CHODL: variants seen among roughly 807,000 people sequenced by gnomAD.
CHODL encodes transmembrane protein MT75.
A neutral mutation model predicts 34.5 loss-of-function variants in CHODL; 29 were observed. The ratio of observed to expected loss-of-function variants is 0.84; its 90% confidence interval spans 0.63 to 1.15. The LOEUF (loss-of-function observed/expected upper bound fraction) is 1.15, where lower values mean the gene tolerates loss of function less well. Among genes scored for constraint, CHODL ranks in the 50% most tolerant of loss-of-function variants. The probability of loss-of-function intolerance (pLI) is 0.00; values close to 1 mark genes in which losing one functional copy is unlikely to be tolerated. For synonymous variants in CHODL, 125 were observed against 116.1 expected (o/e 1.08, Z -0.49); for missense variants, 332 against 332.5 (o/e 1.00, Z 0.01).
At chr21:18,098,874 C>A (rs902857223) in intron 2 of CHODL, among the ~76,000 whole-genome samples, 56 of 152,014 alleles carry the variant, frequency 3.7e-4, no homozygotes, top group Non-Finnish European at 2.4e-4. Context: ...TACATACACC[C>A]AATGGAGTCC....
chr21:18,124,957 G>A (rs2065523973), intron 2 of CHODL, among the ~76,000 whole-genome samples: 1 of 152,172 alleles, frequency 6.6e-6, no homozygotes, highest in Non-Finnish European at 1.5e-5. Flanking sequence ...GGGAATATAA[G>A]GTAGGAGTCT....
intron 2 of CHODL, among the ~76,000 whole-genome samples, chr21:18,111,988 A>G (rs1423524899): frequency 1.3e-5 from 2 of 152,218 alleles, no homozygotes; most frequent in Non-Finnish European, 2.9e-5. Flanking sequence ...ATATAATCAT[A>G]TATTCCTTTA....
At chr21:17,951,150 GGTTAA>G (rs950158822) in intron 1 of CHODL, among the ~76,000 whole-genome samples, 1 of 148,972 alleles carries the variant, frequency 6.7e-6, no homozygotes, top group African/African-American at 2.5e-5. Context: ...ACAAATCAAT[GGTTAA>G]GTTGTTTAGT....
At chr21:18,072,389 G>T (rs2064816354) in intron 2 of CHODL, among the ~76,000 whole-genome samples, 1 of 152,052 alleles carries the variant, frequency 6.6e-6, no homozygotes, top group African/African-American at 2.4e-5. Context: ...AAGACACAAT[G>T]CTAGTTACAT....
intron 1 of CHODL, among the ~76,000 whole-genome samples, chr21:17,970,041 G>A (rs555008122): frequency 1.3e-5 from 2 of 152,288 alleles, no homozygotes; most frequent in Admixed American, 6.5e-5. Context: ...ACATCTGGGT[G>A]CAGCTTCTCT....
At position 18,160,565 on chromosome 21, in the gene CHODL, G is replaced by A. The variant is rs2073084751; in HGVS notation, c.-44-95944G>A. Among the ~76,000 whole-genome samples, 5 of 152,116 alleles carry A rather than the reference G, an allele frequency of 3.3e-5. No individual in the cohort carries two copies. The South Asian group carries it at 6.2e-4, about 19-fold the overall frequency. ...AGTGTTCTCAACATTTAGCGTCCAC[G>A]TATAAGTAAGAACATTCAGTGTTTG... On this transcript the variant is annotated intron_variant, in intron 2 of 6. Coordinates refer to the CHODL transcript ENST00000400127.
chr21:18,067,530 G>T (rs912224972), intron 2 of CHODL, among the ~76,000 whole-genome samples: 2 of 152,108 alleles, frequency 1.3e-5, no homozygotes, highest in African/African-American at 4.8e-5. Context: ...ATTCTTCCTC[G>T]CAGCCCTTTG....
chr21:18,258,019 C>T (rs2074337545), intron 3 of CHODL, among the ~76,000 whole-genome samples: 2 of 152,106 alleles, frequency 1.3e-5, no homozygotes, highest in East Asian at 1.9e-4. Context: ...TGCTTGAACT[C>T]ATAATACGTG....
chr21:18,195,832 T>C (rs1403991157), intron 2 of CHODL, among the ~76,000 whole-genome samples: 2 of 152,228 alleles, frequency 1.3e-5, no homozygotes, highest in Non-Finnish European at 2.9e-5. Context: ...CACAGAAAAG[T>C]ATTTAAATAA....
chr21:18,136,116 AAAG>A lies in CHODL; in HGVS notation c.-45+108148_-45+108150del, dbSNP rs1421980404. Among the ~76,000 whole-genome samples the A allele has an allele frequency of 1.4e-5, 2 of 141,478 alleles. 1 individual carries two copies. The highest frequency in any genetic ancestry group is 3.1e-5 in the Non-Finnish European group (2 of 63,526). The allele number at this position is 141,478 out of a possible 152,430, so 92.8% of individuals were successfully genotyped here. A position where few individuals can be genotyped will look rare whatever the true frequency, so the allele number is the denominator to read the frequency against. ...GCAAGATTATGTCTCAAAAAAAAAA[AAAG>A]AAAAAGAAAAAAAAGAAAAAATGAA... On this transcript the variant is annotated intron_variant, in intron 2 of 6. Coordinates refer to the CHODL transcript ENST00000400127.
intron 2 of CHODL, among the ~76,000 whole-genome samples, chr21:18,044,695 C>T (rs1270554124): frequency 2.0e-5 from 3 of 151,784 alleles, no homozygotes; most frequent in African/African-American, 7.3e-5. Flanking sequence ...ATTATATACT[C>T]TTTTATGATA....
At chr21:17,998,004 C>G (rs1297456323) in intron 1 of CHODL, among the ~76,000 whole-genome samples, 3 of 152,178 alleles carry the variant, frequency 2.0e-5, no homozygotes, top group Non-Finnish European at 4.4e-5. Context: ...GTCCACAGTC[C>G]AAAGTCTCAT....
intron 2 of CHODL, among the ~76,000 whole-genome samples, chr21:18,230,586 G>C (rs111477501): frequency 6.6e-6 from 1 of 151,988 alleles, no homozygotes; most frequent in Non-Finnish European, 1.5e-5. Context: ...ATTTTTTATG[G>C]AATATTAGAA....
At chr21:18,150,809 G>A (rs542238084) in intron 2 of CHODL, among the ~76,000 whole-genome samples, 130 of 152,064 alleles carry the variant, frequency 8.5e-4, no homozygotes, top group Admixed American at 2.6e-3. Flanking sequence ...TGACCTGGCC[G>A]GCATGGTGGC....
intron 2 of CHODL, among the ~76,000 whole-genome samples, chr21:18,100,941 C>A (rs1271126570): frequency 6.6e-6 from 1 of 152,098 alleles, no homozygotes; most frequent in Non-Finnish European, 1.5e-5. Flanking sequence ...TCTCTGTCTA[C>A]TCAGCAGTAA....
chr21:18,110,562 T>G (rs1305625470), intron 2 of CHODL, among the ~76,000 whole-genome samples: 1 of 111,790 alleles, frequency 8.9e-6, no homozygotes, highest in Non-Finnish European at 2.0e-5. Flanking sequence ...CACCTACAGC[T>G]GATACCTGCC....
chr21:18,160,041 CTA>C (rs1214610408), intron 2 of CHODL, among the ~76,000 whole-genome samples: 1 of 152,214 alleles, frequency 6.6e-6, no homozygotes, highest in Non-Finnish European at 1.5e-5. Context: ...TTCTTTTAAA[CTA>C]TTAAATTTGT....
At chr21:18,135,147 T>A (rs1442495371) in intron 2 of CHODL, among the ~76,000 whole-genome samples, 2 of 152,208 alleles carry the variant, frequency 1.3e-5, no homozygotes, top group Admixed American at 1.3e-4. Flanking sequence ...AGTGTAATGG[T>A]GCCAATCCTG....
In CHODL at chr21:18,109,271, A is replaced by G. The variant is rs866304682; in HGVS notation, c.-45+81300A>G. On this transcript the variant is annotated intron_variant, in intron 2 of 6. Coordinates refer to the CHODL transcript ENST00000400127. Reference sequence around the variant, plus strand: ...ATGGTAGAGGGTAGAGCATCCCTTCATCTCGCCACAGAATCTGAAAATCAG... The same window carrying G: ...ATGGTAGAGGGTAGAGCATCCCTTCGTCTCGCCACAGAATCTGAAAATCAG... Among the ~76,000 whole-genome samples the G allele has an allele frequency of 9.9e-5, 15 of 152,282 alleles. 1 individual carries two copies. The highest frequency in any genetic ancestry group is 2.0e-4 in the Admixed American group (3 of 15,290).
Sources: gnomAD v4.1 joint callset for allele counts (sites outside exome capture counted in the v4.1 genomes callset) on GRCh38, gnomAD v4.1.1 for gene constraint, MANE v1.5 for transcripts, NCBI Gene and HGNC (gene_info 2026-07-23, HGNC 2026-07-21) for gene names.